Variants in CLDN16 observed in about 807,000 individuals in gnomAD.
CLDN16 encodes claudin 16.
A neutral mutation model predicts 24.6 loss-of-function variants in CLDN16; 13 were observed. The observed-to-expected ratio is 0.53, with a 90% confidence interval of 0.34 to 0.84. The LOEUF (loss-of-function observed/expected upper bound fraction) is 0.84. Among genes scored for constraint, CLDN16 ranks in the 40% least tolerant of loss-of-function variants. The pLI is 0.01. For synonymous variants in CLDN16, 116 were observed against 106.7 expected, an observed-to-expected ratio of 1.09 and a Z score of -0.54; for missense variants, 298 against 292.7, an observed-to-expected ratio of 1.02 and a Z score of -0.13.
At chr3:190,376,291 T>C (rs1718247264) in intron 3 of CLDN16, among the ~76,000 whole-genome samples, 1 of 151,810 alleles carries the variant, frequency 6.6e-6, no homozygotes. Context: ...ATATTAATGA[T>C]ATGAAAGATT....
At chr3:190,386,432 G>A (rs1453781310), upstream of CLDN16, among the ~76,000 whole-genome samples, 1 of 152,104 alleles carries the variant, frequency 6.6e-6, no homozygotes, top group African/African-American at 2.4e-5. Flanking sequence ...ACGAAGGACA[G>A]TACTGGATCC....
the CLDN16 span, among the ~76,000 whole-genome samples, chr3:190,296,785 C>T: frequency 2.6e-5 from 4 of 151,924 alleles, no homozygotes; most frequent in Non-Finnish European, 5.9e-5. Flanking sequence ...CTCCTGACCT[C>T]GTGATCCGCC....
At chr3:190,316,695 C>A in the CLDN16 span, among the ~76,000 whole-genome samples, 4 of 152,144 alleles carry the variant, frequency 2.6e-5, no homozygotes, top group Non-Finnish European at 5.9e-5. Context: ...CCATCTAAAG[C>A]ACCAAGCACA....
At chr3:190,294,199 A>G in the CLDN16 span, among the ~76,000 whole-genome samples, 2 of 152,146 alleles carry the variant, frequency 1.3e-5, no homozygotes, top group Admixed American at 1.3e-4. Context: ...ACTACTTCAA[A>G]TCTCAACCAT....
intron 1 of CLDN16, among the ~76,000 whole-genome samples, chr3:190,340,837 G>A (rs970158320): frequency 1.3e-5 from 2 of 152,098 alleles, no homozygotes; most frequent in Non-Finnish European, 2.9e-5. Flanking sequence ...CAGGAATTGG[G>A]TAAATATAGC....
chr3:190,327,520 G>C (rs1038756085), intron 1 of CLDN16, among the ~76,000 whole-genome samples: 3 of 152,186 alleles, frequency 2.0e-5, no homozygotes, highest in Admixed American at 6.5e-5. Context: ...TATCAACACA[G>C]ATGAGAAAAG....
intron 1 of CLDN16, 98 bp from the exon 2 acceptor site, chr3:190,402,239 T>A: frequency 1.1e-6 from 1 of 872,778 alleles, no homozygotes; most frequent in Non-Finnish European, 2.0e-6. Context: ...ACCACTTACT[T>A]TGCTATCAAA....
In CLDN16 at chr3:190,408,332, G is replaced by A; in HGVS notation, c.401G>A (p.Gly134Asp). ...LLIAGTPGII[G>D]SVWYAVDVYV... ...CTTTCAGGTACCCCAGGAATCATTG[G>A]CTCTGTGTGGTATGCTGTTGATGTG... The change falls in exon 4 of 5, where the codon GGC (glycine) becomes GAC (aspartate). Residue 134 changes from glycine (G) to aspartate (D), a missense_variant. By Grantham distance (94) the Gly-to-Asp change is moderately conservative. Transcript: ENST00000264734. The A allele has an allele frequency of 6.2e-7, 1 of 1,613,976 alleles. No individual in the cohort carries two copies. Among genetic ancestry groups the A allele is most frequent in the Non-Finnish European group, 8.5e-7 (1 of 1,179,944 alleles).
chr3:190,322,125 G>T (rs909170148), upstream of CLDN16: 1 of 1,614,212 alleles, frequency 6.2e-7, no homozygotes, highest in Non-Finnish European at 8.5e-7. Flanking sequence ...CTCCACTGGG[G>T]CAGGGCAGTG....
At chr3:190,371,614 C>CA (rs983913116) in intron 2 of CLDN16, among the ~76,000 whole-genome samples, 8 of 151,728 alleles carry the variant, frequency 5.3e-5, no homozygotes, top group African/African-American at 1.4e-4. Flanking sequence ...TGGTTTCCTT[C>CA]AAAAAAAAGT....
At chr3:190,297,363 A>T in the CLDN16 span, among the ~76,000 whole-genome samples, 1 of 150,954 alleles carries the variant, frequency 6.6e-6, no homozygotes, top group East Asian at 1.9e-4. Flanking sequence ...AAACGGGGAA[A>T]GGACTCTACC....
intron 1 of CLDN16, among the ~76,000 whole-genome samples, chr3:190,353,238 C>CT (rs200861324): frequency 0.016 from 2,459 of 152,172 alleles, 63 homozygotes; most frequent in African/African-American, 0.054. Flanking sequence ...GAGTGACCTG[C>CT]TGTGAGCAAT....
At chr3:190,300,697 C>T in the CLDN16 span, among the ~76,000 whole-genome samples, 37 of 152,306 alleles carry the variant, frequency 2.4e-4, no homozygotes, top group African/African-American at 8.7e-4. Flanking sequence ...CTCCTGCTGC[C>T]TTTTCCTATT....
the CLDN16 span, among the ~76,000 whole-genome samples, chr3:190,310,986 CT>C: frequency 1.4e-4 from 21 of 152,000 alleles, no homozygotes; most frequent in African/African-American, 5.1e-4. Context: ...AGTTAAATAA[CT>C]TTTTTGTAGT....
chr3:190,378,423 G>A (rs544265776), intron 3 of CLDN16, among the ~76,000 whole-genome samples: 2 of 151,988 alleles, frequency 1.3e-5, no homozygotes, highest in African/African-American at 4.8e-5. Context: ...CCTTTCATGA[G>A]TGATGCTTCC....
chr3:190,360,753 A>C (rs1321438708), intron 1 of CLDN16, among the ~76,000 whole-genome samples: 2 of 148,986 alleles, frequency 1.3e-5, no homozygotes, highest in African/African-American at 4.9e-5. Flanking sequence ...CTCTATTGCC[A>C]TTTTGTCTAT....
the CLDN16 span, chr3:190,308,249 A>T: frequency 6.2e-7 from 1 of 1,613,234 alleles, no homozygotes; most frequent in Non-Finnish European, 8.5e-7. Context: ...GGTTTGTTTC[A>T]ACATGATTTT....
intron 3 of CLDN16, among the ~76,000 whole-genome samples, chr3:190,382,485 G>GC (rs1718390564): frequency 6.6e-6 from 1 of 152,046 alleles, no homozygotes; most frequent in African/African-American, 2.4e-5. Context: ...TCTCCACATT[G>GC]GAGATGTCAA....
intron 1 of CLDN16, among the ~76,000 whole-genome samples, chr3:190,351,265 C>A (rs769103032): frequency 1.4e-4 from 21 of 152,242 alleles, no homozygotes; most frequent in Middle Eastern, 3.4e-3. Context: ...CAAAAAACCT[C>A]TTTTCTTTAT....
Sources: gnomAD v4.1 joint callset for allele counts (sites outside exome capture counted in the v4.1 genomes callset) on GRCh38, gnomAD v4.1.1 for gene constraint, MANE v1.5 for transcripts, NCBI Gene and HGNC (gene_info 2026-07-23, HGNC 2026-07-21) for gene names.